The following RBFOX1 variants were observed in gnomAD, a reference collection of about 807,000 sequenced individuals.
The protein encoded by RBFOX1 is RNA binding protein fox-1 homolog 1.
A neutral mutation model predicts 57.7 loss-of-function variants in RBFOX1; 8 were observed. The observed-to-expected ratio is 0.14, with a 90% CI of 0.08 to 0.25. The LOEUF is 0.25. Among genes scored for constraint, RBFOX1 ranks in the 10% least tolerant of loss-of-function variants. The pLI is 1.00. For missense variants in RBFOX1, 611 were observed against 548.5 expected (o/e 1.11, Z -1.14); for synonymous variants, 326 against 222.4 (o/e 1.47, Z -4.15).
intron 3 of RBFOX1, among the ~76,000 whole-genome samples, chr16:5,728,438 C>T (rs1312435297): frequency 1.3e-5 from 2 of 152,166 alleles, no homozygotes; most frequent in African/African-American, 2.4e-5. Flanking sequence ...GATTGATGGA[C>T]AGGTTAGCTC....
intron 2 of RBFOX1, among the ~76,000 whole-genome samples, chr16:6,385,595 A>G (rs2092207156): frequency 1.3e-5 from 2 of 152,194 alleles, no homozygotes; most frequent in Admixed American, 6.5e-5. Context: ...CCTGACCTTA[A>G]GTGATCCACC....
At chr16:7,626,399 G>A (rs979514307) in intron 10 of RBFOX1, among the ~76,000 whole-genome samples, 1 of 152,206 alleles carries the variant, frequency 6.6e-6, no homozygotes, top group African/African-American at 2.4e-5. Flanking sequence ...TTCCTCACTG[G>A]AGGATTCAAA....
chr16:6,894,379 A>G lies in RBFOX1; in HGVS notation c.-15-157678A>G, dbSNP rs374110066. Among the ~76,000 whole-genome samples, 83 of 152,236 alleles carry G rather than the reference A, an allele frequency of 5.5e-4. 2 individuals are homozygous for G. In the South Asian group the frequency reaches 0.013, roughly 24 times the overall value. On this transcript the variant is annotated intron_variant, in intron 3 of 15. Transcript: ENST00000550418. ...TCAGTCTCATGGATGGGTGAAATGA[A>G]GTTTTCTCTTTTGTTCCATTCAGCC...
intron 3 of RBFOX1, among the ~76,000 whole-genome samples, chr16:5,846,949 C>G (rs772078259): frequency 1.3e-5 from 2 of 152,182 alleles, no homozygotes; most frequent in African/African-American, 4.8e-5. Context: ...TGGGTCCAGG[C>G]TGCACAGTGC....
chr16:7,112,225 T>C (rs950097123), intron 4 of RBFOX1, among the ~76,000 whole-genome samples: 4 of 152,126 alleles, frequency 2.6e-5, no homozygotes, highest in African/African-American at 9.7e-5. Context: ...ATTCATTTTT[T>C]TGAGATGGGG....
chr16:6,786,983 C>T (rs1245417821), intron 3 of RBFOX1, among the ~76,000 whole-genome samples: 2 of 152,038 alleles, frequency 1.3e-5, no homozygotes, highest in African/African-American at 4.8e-5. Context: ...CTGCACAGGT[C>T]ACCCATCTCA....
At chr16:6,012,926 G>C (rs147578584) in intron 4 of RBFOX1, among the ~76,000 whole-genome samples, 18 of 152,190 alleles carry the variant, frequency 1.2e-4, no homozygotes, top group Non-Finnish European at 2.2e-4. Context: ...TCTAGATCAC[G>C]TGACTGGGAA....
chr16:5,439,208 G>T (rs914075528), intron 1 of RBFOX1, among the ~76,000 whole-genome samples: 1 of 151,984 alleles, frequency 6.6e-6, no homozygotes, highest in African/African-American at 2.4e-5. Context: ...GAGAAGATGT[G>T]GTATGGAATG....
chr16:6,703,802 C>T (rs905391364), intron 3 of RBFOX1: 1 of 152,276 alleles, frequency 6.6e-6, no homozygotes, highest in Non-Finnish European at 1.5e-5. Flanking sequence ...AGATTCCAAG[C>T]TGCTGACTGC....
At chr16:7,314,676 G>A (rs2096397580) in intron 4 of RBFOX1, among the ~76,000 whole-genome samples, 1 of 152,060 alleles carries the variant, frequency 6.6e-6, no homozygotes, top group African/African-American at 2.4e-5. Context: ...TCTTTTATTA[G>A]CATAAAGAGA....
chr16:6,034,910 C>G (rs17139200), intron 1 of RBFOX1, among the ~76,000 whole-genome samples: 45,189 of 149,824 alleles, frequency 0.3, 8,130 homozygotes, highest in South Asian at 0.49. Flanking sequence ...GAGTCACACT[C>G]AGGGCCTCTA....
intron 6 of RBFOX1, among the ~76,000 whole-genome samples, chr16:7,582,534 T>C (rs1022848480): frequency 3.9e-5 from 6 of 152,206 alleles, no homozygotes; most frequent in African/African-American, 9.6e-5. Flanking sequence ...GTTCTTGTTA[T>C]AGGATACATT....
intron 2 of RBFOX1, among the ~76,000 whole-genome samples, chr16:6,554,934 T>A (rs1043603143): frequency 2.6e-5 from 4 of 152,164 alleles, no homozygotes; most frequent in Non-Finnish European, 5.9e-5. Flanking sequence ...GCTGGAGAAT[T>A]TGACCTAGGG....
At chr16:7,363,938 C>T (rs1235618020) in intron 4 of RBFOX1, among the ~76,000 whole-genome samples, 1 of 152,080 alleles carries the variant, frequency 6.6e-6, no homozygotes, top group Non-Finnish European at 1.5e-5. Flanking sequence ...GGCATATGGC[C>T]TTCCTGGTGT....
intron 3 of RBFOX1, among the ~76,000 whole-genome samples, chr16:6,901,955 C>A (rs2068606585): frequency 6.6e-6 from 1 of 152,036 alleles, no homozygotes; most frequent in African/African-American, 2.4e-5. Flanking sequence ...AAAAATGGCA[C>A]CTTCAGAAAT....
chr16:7,384,827 G>T (rs1326514803), intron 4 of RBFOX1, among the ~76,000 whole-genome samples: 3 of 152,164 alleles, frequency 2.0e-5, no homozygotes, highest in Admixed American at 2.0e-4. Flanking sequence ...AATGCTGCTG[G>T]CATAGAGCTT....
At chr16:5,247,065 G>C (rs1017845986) in intron 1 of RBFOX1, among the ~76,000 whole-genome samples, 8 of 152,308 alleles carry the variant, frequency 5.3e-5, no homozygotes, top group African/African-American at 1.9e-4. Context: ...TATCCTCCAG[G>C]CTCATCCATG....
chr16:6,991,136 C>CAAAA lies in RBFOX1; in HGVS notation c.-15-60898_-15-60895dup, dbSNP rs35889519. Among the ~76,000 whole-genome samples, 87 of 53,070 alleles carry CAAAA rather than the reference C, an allele frequency of 1.6e-3. 5 individuals carry two copies. The highest frequency in any genetic ancestry group is 3.5e-3 in the African/African-American group (50 of 14,488). 34.8% of individuals were successfully genotyped at this position (53,070 alleles called of 152,430 possible). ...AGGCAACGTAATAAAATTGTCTCTC[C>CAAAA]AAAAAAAAAAAAAAAAAAAAAAAAA... On this transcript the variant is annotated intron_variant, in intron 3 of 15. Transcript: ENST00000550418.
chr16:5,983,654 A>C (rs971241892), intron 4 of RBFOX1, among the ~76,000 whole-genome samples: 4 of 152,258 alleles, frequency 2.6e-5, no homozygotes, highest in South Asian at 4.1e-4. Flanking sequence ...TCTCGTTGTT[A>C]TTCTGTAACT....
Sources: gnomAD v4.1 joint callset for allele counts (sites outside exome capture counted in the v4.1 genomes callset) on GRCh38, gnomAD v4.1.1 for gene constraint, MANE v1.5 for transcripts, NCBI Gene and HGNC (gene_info 2026-07-23, HGNC 2026-07-21) for gene names.